The following ANK3 variants were observed in gnomAD, a reference collection of about 807,000 sequenced individuals.
ANK3 encodes the protein ankyrin-3.
A neutral mutation model predicts 370.9 loss-of-function variants in ANK3; 57 were observed. The observed-to-expected ratio is 0.15, with a 90% CI of 0.12 to 0.19. ANK3 has a LOEUF of 0.19. Among genes scored for constraint, ANK3 ranks in the 10% least tolerant of loss-of-function variants. The pLI is 1.00. For missense variants in ANK3, 4,439 were observed against 5,302.1 expected, an observed-to-expected ratio of 0.84 and a Z score of 5.06; for synonymous variants, 1,929 against 1,946.3, an observed-to-expected ratio of 0.99 and a Z score of 0.23.
intron 36 of ANK3, among the ~76,000 whole-genome samples, chr10:60,079,212 CA>C (rs2084572620): frequency 1.3e-5 from 2 of 151,118 alleles, no homozygotes; most frequent in African/African-American, 2.4e-5. Context: ...CACACACACA[CA>C]CACACACACA....
At chr10:60,655,897 T>A (rs566504148) in intron 1 of ANK3, among the ~76,000 whole-genome samples, 38 of 152,314 alleles carry the variant, frequency 2.5e-4, no homozygotes, top group South Asian at 1.9e-3. Flanking sequence ...TAGCATCGTG[T>A]TACAATTGCC....
At chr10:60,305,345 T>C (rs1454147524) in intron 1 of ANK3, among the ~76,000 whole-genome samples, 1 of 151,976 alleles carries the variant, frequency 6.6e-6, no homozygotes, top group Non-Finnish European at 1.5e-5. Context: ...CAGACCTTAG[T>C]TCCAGCAACA....
intron 10 of ANK3, among the ~76,000 whole-genome samples, chr10:60,206,363 C>T (rs2096762486): frequency 6.6e-6 from 1 of 152,156 alleles, no homozygotes; most frequent in South Asian, 2.1e-4. Context: ...ATCCCAGCTA[C>T]TTGGGAGGCT....
chr10:60,525,784 G>A (rs891109256), intron 2 of ANK3, among the ~76,000 whole-genome samples: 3 of 152,108 alleles, frequency 2.0e-5, no homozygotes, highest in Admixed American at 1.3e-4. Flanking sequence ...TCGTGTTATT[G>A]TGGGGAACAA....
At chr10:60,269,136 A>T (rs1592772889) in intron 5 of ANK3, among the ~76,000 whole-genome samples, 1 of 152,240 alleles carries the variant, frequency 6.6e-6, no homozygotes. Context: ...GAAATAAAAA[A>T]TACTCAAATA....
At position 60,108,968 on chromosome 10, in the gene ANK3, C is replaced by T. The variant is rs1293690037; in HGVS notation, c.3035G>A (p.Arg1012His). 1 of 1,613,894 alleles carries T rather than the reference C, an allele frequency of 6.2e-7. No individual in the cohort carries two copies. Among genetic ancestry groups the T allele is most frequent in the Non-Finnish European group, 8.5e-7 (1 of 1,179,972 alleles). Residue 1012 changes from arginine to histidine, a missense_variant, in exon 27 of 44, where the codon CGC (arginine) becomes CAC (histidine). This residue lies in a region of ANK3 where 702 missense variants were observed against 941.5 expected (regional missense o/e 0.75). Coordinates refer to ENST00000280772, the MANE Select transcript of ANK3 (RefSeq NM_020987.5). ...GATTCGAGTGGGGGCCGTACACTTG[C>T]GTGGAGGAATGATGATTCTCATCCC... The part of the protein sequence containing the change: ...HHGMRIIIPP[R>H]KCTAPTRITC...
At chr10:60,476,013 C>A (rs527911529) in intron 2 of ANK3, among the ~76,000 whole-genome samples, 16 of 152,110 alleles carry the variant, frequency 1.1e-4, no homozygotes, top group Non-Finnish European at 1.9e-4. Context: ...TAAATCAAAA[C>A]AACAGGACTT....
intron 2 of ANK3, among the ~76,000 whole-genome samples, chr10:60,439,066 A>C (rs1224676658): frequency 6.6e-6 from 1 of 152,182 alleles, no homozygotes; most frequent in Non-Finnish European, 1.5e-5. Flanking sequence ...CAAACCAGCC[A>C]ATCCAACTGA....
At chr10:60,170,883 C>A (rs530906170) in intron 21 of ANK3, among the ~76,000 whole-genome samples, 2 of 152,054 alleles carry the variant, frequency 1.3e-5, no homozygotes, top group East Asian at 3.9e-4. Context: ...TACATTCAAC[C>A]AAATAAGATG....
intron 21 of ANK3, among the ~76,000 whole-genome samples, chr10:60,167,164 G>A (rs189952339): frequency 5.8e-4 from 88 of 152,234 alleles, no homozygotes; most frequent in African/African-American, 2.1e-3. Flanking sequence ...GCTTTTCAAA[G>A]GAAAAGAGAA....
intron 1 of ANK3, among the ~76,000 whole-genome samples, chr10:60,706,605 C>G (rs867520536): frequency 3.3e-5 from 5 of 152,040 alleles, no homozygotes; most frequent in African/African-American, 9.7e-5. Flanking sequence ...ACTGTTGAGT[C>G]GCTTTTTTGT....
chr10:60,039,384 T>G (rs2075708395), intron 43 of ANK3, among the ~76,000 whole-genome samples: 1 of 152,172 alleles, frequency 6.6e-6, no homozygotes, highest in African/African-American at 2.4e-5. Context: ...TGCCATGACC[T>G]CACAAATCAG....
chr10:60,231,640 C>A (rs553294309), intron 8 of ANK3, among the ~76,000 whole-genome samples: 67 of 152,182 alleles, frequency 4.4e-4, no homozygotes, highest in Non-Finnish European at 8.5e-4. Context: ...CACCCACACA[C>A]CCAATCACTA....
At chr10:60,082,873 G>A (rs1345138374) in intron 33 of ANK3, 136 bp from the exon 34 acceptor site, 3 of 1,026,412 alleles carry the variant, frequency 2.9e-6, no homozygotes, top group Non-Finnish European at 4.2e-6. Context: ...TGATGATTAC[G>A]ATTATGCAGC....
intron 8 of ANK3, among the ~76,000 whole-genome samples, chr10:60,232,410 T>C (rs1251441928): frequency 6.6e-6 from 1 of 152,194 alleles, no homozygotes; most frequent in Non-Finnish European, 1.5e-5. Flanking sequence ...GCAATGCATC[T>C]CTACTTTTTA....
rs1012246871 is a variant in ANK3, at chr10:60,302,375, C to T, written c.115-22736G>A. On this transcript the variant is annotated intron_variant, in intron 1 of 43. Coordinates refer to ENST00000280772, the MANE Select transcript of ANK3 (RefSeq NM_020987.5). ...GCCATTTTTATAGTTTAAAACCAAG[C>T]GTATACCAGCAATTTTATGTGGATC... 6.6e-5 allele frequency among the ~76,000 whole-genome samples: 10 copies of T among 152,038 alleles called. No homozygotes were observed. In the East Asian group the frequency reaches 1.5e-3, roughly 24 times the overall value.
chr10:60,375,957 A>T (rs1178749507), intron 1 of ANK3, among the ~76,000 whole-genome samples: 1 of 152,204 alleles, frequency 6.6e-6, no homozygotes, highest in Non-Finnish European at 1.5e-5. Flanking sequence ...ACATTTGTTG[A>T]ATCACTGCAT....
chr10:60,055,666 C>T lies in ANK3; in HGVS notation c.13057G>A (p.Glu4353Lys). The change falls in exon 42 of 44, where the codon GAG becomes AAG. Residue 4353 changes from glutamate (E) to lysine (K), a missense_variant. Physicochemically the swap from Glu to Lys is moderately conservative, Grantham distance 56. Transcript: ENST00000280772. The stretch of plus-strand genomic sequence containing the variant: ...ATGACCAGATGACGTACCTTTTGCT[C>T]AGACCCACTGGACCCCTCTTCTTCA... ...LHEEEGSSGS[E>K]QKQGEGFKVK... The T allele has an allele frequency of 6.2e-7, 1 of 1,607,362 alleles. No homozygotes were observed. Among genetic ancestry groups the T allele is most frequent in the Non-Finnish European group, 8.5e-7 (1 of 1,177,950 alleles).
At chr10:60,295,643 T>C (rs2042337719) in intron 1 of ANK3, among the ~76,000 whole-genome samples, 2 of 152,114 alleles carry the variant, frequency 1.3e-5, no homozygotes, top group African/African-American at 4.8e-5. Context: ...GTTCTCAAAC[T>C]TATTACTCAA....
Sources: allele counts gnomAD v4.1 joint callset (sites outside exome capture counted in the v4.1 genomes callset), GRCh38; gene constraint gnomAD v4.1.1; regional missense constraint gnomAD v4.1.1; transcripts MANE v1.5; gene names NCBI Gene and HGNC (gene_info 2026-07-23, HGNC 2026-07-21).